ATL3: variants seen among roughly 807,000 people sequenced by gnomAD.
ATL3 encodes the protein atlastin-3.
ATL3 carries 49 observed loss-of-function variants against 69.5 expected under a neutral mutation model. That is an observed-to-expected ratio of 0.71 (90% CI 0.56 to 0.89). ATL3 has a LOEUF of 0.89. Among genes scored for constraint, ATL3 ranks in the 40% least tolerant of loss-of-function variants. ATL3 has a pLI of 0.00. For missense variants in ATL3, 606 were observed against 645.7 expected, an observed-to-expected ratio of 0.94 and a Z score of 0.67; for synonymous variants, 214 against 224.1, an observed-to-expected ratio of 0.95 and a Z score of 0.40.
In ATL3 at chr11:63,627,878, A is replaced by G. The variant is rs1050763102; in HGVS notation, c.*1441T>C. 1 of 152,250 alleles carries G rather than the reference A, an allele frequency of 6.6e-6. No homozygotes were observed. The highest frequency in any genetic ancestry group is 2.4e-5 in the African/African-American group (1 of 41,478). The allele number at this position is 152,250 out of a possible 1,614,324, so 9.4% of individuals were successfully genotyped here. On this transcript the variant is annotated 3_prime_UTR_variant, in exon 13 of 13. Coordinates refer to ENST00000398868, the MANE Select transcript of ATL3 (RefSeq NM_015459.5). The stretch of plus-strand genomic sequence containing the variant: ...GACTAGCCAAAGTAAAATTAAATAG[A>G]TAATTCACTAAATAAAATGGGTTAA...
At chr11:63,642,635 C>A (rs1939737238) in intron 8 of ATL3, among the ~76,000 whole-genome samples, 1 of 152,156 alleles carries the variant, frequency 6.6e-6, no homozygotes, top group Non-Finnish European at 1.5e-5. Flanking sequence ...CTTAACTTTC[C>A]TCCTTTTCCT....
chr11:63,671,908 T>G, upstream of ATL3: 1 of 291,356 alleles, frequency 3.4e-6, no homozygotes, highest in South Asian at 3.6e-5. Context: ...GCTTTGGTGT[T>G]TAACTAGGCC....
chr11:63,656,590 C>T (rs1179945921), intron 3 of ATL3, among the ~76,000 whole-genome samples: 2 of 151,518 alleles, frequency 1.3e-5, no homozygotes, highest in African/African-American at 2.4e-5. Context: ...AAAAATTAGC[C>T]AGGCGTGGTG....
chr11:63,669,060 T>C (rs1940686672), intron 1 of ATL3, among the ~76,000 whole-genome samples: 2 of 147,194 alleles, frequency 1.4e-5, no homozygotes, highest in South Asian at 4.5e-4. Context: ...CTTGAACTCC[T>C]GACCTCAGGT....
chr11:63,633,035 G>A lies in ATL3; in HGVS notation c.1098C>T (p.Asn366=). 6.2e-7 allele frequency: 1 copy of A among 1,613,950 alleles called. No individual in the cohort carries two copies. ...AASAKDIYYN[N]MEEVCGGEKP... ...CGTATGTCCCACGTACCTCTTCCAT[G>A]TTGTTATAATAAATGTCCTTGGCAG... is the stretch of plus-strand genomic sequence containing the variant. The change falls in exon 11 of 13, where the codon AAC becomes AAT. Residue 366 remains asparagine, a synonymous_variant. Coordinates refer to ENST00000398868, the MANE Select transcript of ATL3 (RefSeq NM_015459.5).
chr11:63,636,773 G>A (rs1403193353), intron 8 of ATL3, among the ~76,000 whole-genome samples: 1 of 151,908 alleles, frequency 6.6e-6, no homozygotes, highest in Middle Eastern at 3.2e-3. Context: ...AGAGAAGAAG[G>A]GGTCTGAGAC....
intron 11 of ATL3, chr11:63,632,707 G>A: frequency 7.9e-7 from 1 of 1,262,858 alleles, no homozygotes; most frequent in African/African-American, 1.5e-5. Context: ...AATGGCCACA[G>A]ATTTTCTGAT....
rs1467697961 is a variant in ATL3 at position 63,628,449 on chromosome 11, T to A, written c.*870A>T. ...CACACTATGTGGCAACAGGATTCCC[T>A]ATTGTAAATTTTTTTTGAGTGTAAT... On this transcript the variant is annotated 3_prime_UTR_variant, in exon 13 of 13. Transcript: ENST00000398868. 6.6e-6 allele frequency: 1 copy of A among 152,186 alleles called. No individual in the cohort carries two copies. The highest frequency in any genetic ancestry group is 2.4e-5 in the African/African-American group (1 of 41,452). 9.4% of individuals were successfully genotyped at this position (152,186 alleles called of 1,614,324 possible).
intron 8 of ATL3, among the ~76,000 whole-genome samples, chr11:63,639,398 C>T (rs1250142357): frequency 6.6e-6 from 1 of 152,176 alleles, no homozygotes; most frequent in Non-Finnish European, 1.5e-5. Context: ...AGGCTTTTAA[C>T]ATATTTTTAA....
intron 1 of ATL3, among the ~76,000 whole-genome samples, chr11:63,668,963 T>C (rs1158950066): frequency 2.7e-5 from 4 of 147,018 alleles, no homozygotes; most frequent in Non-Finnish European, 4.5e-5. Context: ...TAGCCAGAAC[T>C]ACAGGCCTGC....
At position 63,636,246 on chromosome 11, in the gene ATL3, G is replaced by A; in HGVS notation, c.939C>T (p.Gly313=). Residue 313 remains glycine, a synonymous_variant, in exon 9 of 13, where the codon GGC becomes GGT. Transcript: ENST00000398868. The stretch of plus-strand genomic sequence containing the variant: ...GTAGTCCCCGACAGGTGACCTTTGA[G>A]CCATTGATCTCCTTTTCCATTAACT... ...PSKLMEKEIN[G]SKVTCRGLLE... is the part of the protein sequence containing the mutation. The A allele has an allele frequency of 6.2e-7, 1 of 1,614,086 alleles. No homozygotes were observed. Among genetic ancestry groups the A allele is most frequent in the South Asian group, 1.1e-5 (1 of 91,080 alleles).
At chr11:63,632,003 C>T (rs568429910) in intron 11 of ATL3, among the ~76,000 whole-genome samples, 114 of 152,198 alleles carry the variant, frequency 7.5e-4, no homozygotes, top group African/African-American at 2.6e-3. Flanking sequence ...AGCAAACGGT[C>T]GACTTCTGCA....
At chr11:63,638,383 T>A (rs941465089) in intron 8 of ATL3, among the ~76,000 whole-genome samples, 4 of 152,166 alleles carry the variant, frequency 2.6e-5, no homozygotes, top group Non-Finnish European at 5.9e-5. Flanking sequence ...ACAGTCATCT[T>A]GCATCTGATG....
intron 3 of ATL3, among the ~76,000 whole-genome samples, chr11:63,652,938 A>C (rs1241562801): frequency 1.3e-5 from 2 of 152,158 alleles, no homozygotes; most frequent in African/African-American, 4.8e-5. Flanking sequence ...CACACCTATA[A>C]TACCAACAGT....
chr11:63,634,150 C>T (rs192706661), intron 10 of ATL3, among the ~76,000 whole-genome samples: 1 of 144,316 alleles, frequency 6.9e-6, no homozygotes, highest in South Asian at 2.2e-4. Flanking sequence ...AATTCAACAC[C>T]AGCCTGCTCA....
chr11:63,626,124 A>T lies in ATL3; in HGVS notation c.*3195T>A, dbSNP rs542323100. 6 of 152,292 alleles carry T rather than the reference A, an allele frequency of 3.9e-5. No individual in the cohort carries two copies. The highest frequency in any genetic ancestry group is 1.4e-4 in the African/African-American group (6 of 41,546). 9.4% of individuals were successfully genotyped at this position (152,292 alleles called of 1,614,324 possible). ...GCTGGGCGGGGTGGCTCATGCCTGT[A>T]ATCCCAGCACTTTGGGAGGCTGGGG... is the stretch of plus-strand genomic sequence containing the variant. On this transcript the variant is annotated 3_prime_UTR_variant, in exon 13 of 13. Coordinates refer to ENST00000398868, the MANE Select transcript of ATL3 (RefSeq NM_015459.5).
intron 5 of ATL3, among the ~76,000 whole-genome samples, chr11:63,650,348 T>C (rs1940033019): frequency 6.6e-6 from 1 of 152,186 alleles, no homozygotes; most frequent in African/African-American, 2.4e-5. Flanking sequence ...TTATTCTGTT[T>C]TCAATATTTT....
intron 12 of ATL3, among the ~76,000 whole-genome samples, chr11:63,630,740 G>A (rs1040501651): frequency 6.8e-6 from 1 of 146,692 alleles, no homozygotes; most frequent in Non-Finnish European, 1.5e-5. Context: ...AGGTTGCAGT[G>A]AGCCAAGATC....
Position 63,627,511 on chromosome 11 carries a change from CTTT to C in ATL3, c.*1805_*1807del, listed in dbSNP as rs1054223313. The stretch of plus-strand genomic sequence containing the variant: ...TAAAGAGATTACATGCGAAAAGGGA[CTTT>C]TTTTCTACCTTCCATTCATACTTCA... On this transcript the variant is annotated 3_prime_UTR_variant, in exon 13 of 13. Coordinates refer to ENST00000398868, the MANE Select transcript of ATL3 (RefSeq NM_015459.5). The C allele has an allele frequency of 2.0e-5, 3 of 152,150 alleles. No homozygotes were observed. The highest frequency in any genetic ancestry group is 6.5e-5 in the Admixed American group (1 of 15,272). The allele number at this position is 152,150 out of a possible 1,614,324, so 9.4% of individuals were successfully genotyped here. A position where few individuals can be genotyped will look rare whatever the true frequency, so the allele number is the denominator to read the frequency against.
Sources: gnomAD v4.1 joint callset for allele counts (sites outside exome capture counted in the v4.1 genomes callset) on GRCh38, gnomAD v4.1.1 for gene constraint, MANE v1.5 for transcripts, NCBI Gene and HGNC (gene_info 2026-07-23, HGNC 2026-07-21) for gene names.